Variants in MROH7 observed in about 807,000 individuals in gnomAD.
The protein encoded by MROH7 is maestro heat like repeat family member 7, also known as maestro heat-like repeat-containing protein family member 7.
MROH7 carries 113 observed loss-of-function variants against 129.2 expected under a neutral mutation model. The observed-to-expected ratio is 0.87, with a 90% confidence interval of 0.75 to 1.02. MROH7 has a LOEUF of 1.02. Among genes scored for constraint, MROH7 ranks in the 50% least tolerant of loss-of-function variants. MROH7 has a pLI of 0.00. For synonymous variants in MROH7, 655 were observed against 667.9 expected, an observed-to-expected ratio of 0.98 and a Z score of 0.30; for missense variants, 1,601 against 1,671.3, an observed-to-expected ratio of 0.96 and a Z score of 0.73.
In MROH7 at chr1:54,670,525, C is replaced by A; in HGVS notation, c.1418C>A (p.Ser473Tyr). Residue 473 changes from serine to tyrosine, a missense_variant, in exon 6 of 24, where the codon TCT (serine) becomes TAT (tyrosine). Coordinates refer to ENST00000421030, the MANE Select transcript of MROH7 (RefSeq NM_001039464.4). The stretch of plus-strand genomic sequence containing the variant: ...CAGATCCAGGAGGAGCCACTGGATT[C>A]TCTCTCAAGCTCCGTCCGCAAGCAG... ...MRQIQEEPLD[S>Y]LSSSVRKQAM... 1 of 1,613,874 alleles carries A rather than the reference C, an allele frequency of 6.2e-7. No individual in the cohort carries two copies.
rs577982847 is a variant in MROH7, at chr1:54,653,095, C to G, written c.169C>G (p.Leu57Val). 1 of 1,614,206 alleles carries G rather than the reference C, an allele frequency of 6.2e-7. No homozygotes were observed. The highest frequency in any genetic ancestry group is 1.7e-5 in the Admixed American group (1 of 60,022). Residue 57 changes from leucine to valine, a missense_variant, in exon 3 of 24, where the codon CTC becomes GTC. Leu to Val is a conservative substitution (Grantham distance 32). Coordinates refer to ENST00000421030, the MANE Select transcript of MROH7 (RefSeq NM_001039464.4). Reference sequence around the variant, plus strand: ...TCTGCTCCCAAGTCCTGGCTTGGCTCTCGTTCCAGATCTTAATGATTCTTT... The same window carrying G: ...TCTGCTCCCAAGTCCTGGCTTGGCTGTCGTTCCAGATCTTAATGATTCTTT... Reference protein sequence around the residue: ...LNLLPSPGLALVPDLNDSLSP... With the variant: ...LNLLPSPGLAVVPDLNDSLSP...
intron 15 of MROH7, among the ~76,000 whole-genome samples, chr1:54,688,453 T>C (rs908443046): frequency 9.9e-5 from 15 of 152,146 alleles, no homozygotes; most frequent in Non-Finnish European, 2.1e-4. Context: ...TGCCTAACAC[T>C]TTCTGTGTTA....
At chr1:54,674,257 A>G in intron 10 of MROH7, 106 bp downstream of exon 10, 2 of 1,337,812 alleles carry the variant, frequency 1.5e-6, no homozygotes, top group Non-Finnish European at 2.0e-6. Flanking sequence ...CTGGTGGGAG[A>G]TGGGGGAAAC....
chr1:54,692,861 A>T (rs10888863), intron 16 of MROH7, among the ~76,000 whole-genome samples: 28,269 of 152,140 alleles, frequency 0.19, 2,963 homozygotes, highest in South Asian at 0.29. Flanking sequence ...TGGTGGTATA[A>T]CCAAGTTGTT....
In MROH7 at chr1:54,682,696, C is replaced by A. The variant is rs779964575; in HGVS notation, c.2422C>A (p.Pro808Thr). The stretch of plus-strand genomic sequence containing the variant: ...GTGGAGGCAGCTGATACTGTGTAAG[C>A]CCAGCTGTGATGTCCGAGACCTCCT... Reference protein sequence around the residue: ...EMWRQLILCKPSCDVRDLLDL... With the variant: ...EMWRQLILCKTSCDVRDLLDL... The change falls in exon 14 of 24, where the codon CCC (proline) becomes ACC (threonine). Residue 808 changes from proline (P) to threonine (T), a missense_variant. Pro to Thr is a conservative substitution (Grantham distance 38). Transcript: ENST00000421030. 43 of 1,613,966 alleles carry A rather than the reference C, an allele frequency of 2.7e-5. No homozygotes were observed. Among genetic ancestry groups the A allele is most frequent in the Non-Finnish European group, 3.6e-5 (42 of 1,180,000 alleles).
At chr1:54,708,015 T>G (rs896946201) in intron 22 of MROH7, among the ~76,000 whole-genome samples, 3 of 152,034 alleles carry the variant, frequency 2.0e-5, no homozygotes, top group Middle Eastern at 3.2e-3. Flanking sequence ...TCGCAGATAC[T>G]CAAGAAACCA....
chr1:54,656,701 A>C (rs1316288861), intron 3 of MROH7, among the ~76,000 whole-genome samples: 3 of 151,874 alleles, frequency 2.0e-5, no homozygotes, highest in African/African-American at 7.3e-5. Context: ...CGGGGCCTGT[A>C]ATCCCAGCTA....
intron 1 of MROH7, among the ~76,000 whole-genome samples, chr1:54,647,877 C>T (rs12744419): frequency 0.037 from 5,219 of 139,586 alleles, 293 homozygotes; most frequent in African/African-American, 0.13. Context: ...TGCACTCTAG[C>T]CTGTGTGACA....
chr1:54,644,839 G>C (rs1171080953), intron 1 of MROH7, among the ~76,000 whole-genome samples: 1 of 141,322 alleles, frequency 7.1e-6, no homozygotes, highest in African/African-American at 2.7e-5. Context: ...GTCGCACTCT[G>C]TCATCCAGGC....
At chr1:54,707,772 A>C (rs548818870) in intron 22 of MROH7, among the ~76,000 whole-genome samples, 1 of 152,234 alleles carries the variant, frequency 6.6e-6, no homozygotes, top group East Asian at 1.9e-4. Flanking sequence ...ATGATTATTA[A>C]CCTTTTTTGG....
intron 3 of MROH7, among the ~76,000 whole-genome samples, chr1:54,659,749 G>A (rs1239294998): frequency 2.6e-5 from 4 of 152,108 alleles, no homozygotes; most frequent in African/African-American, 4.8e-5. Context: ...CACTGTGCCC[G>A]GCTGTACTTA....
chr1:54,695,320 A>T, intron 16 of MROH7, 56 bp from the exon 17 acceptor site: 2 of 933,334 alleles, frequency 2.1e-6, no homozygotes, highest in Non-Finnish European at 3.4e-6. Context: ...AATCCCCCCC[A>T]CAGGTCCCCC....
chr1:54,696,429 T>G (rs1168344239), intron 17 of MROH7, among the ~76,000 whole-genome samples: 1 of 152,148 alleles, frequency 6.6e-6, no homozygotes, highest in African/African-American at 2.4e-5. Context: ...CTCCAGAACT[T>G]TCGTATCTTT....
chr1:54,680,142 G>A (rs542177957), intron 13 of MROH7, 97 bp downstream of exon 13: 44 of 1,164,800 alleles, frequency 3.8e-5, no homozygotes, highest in African/African-American at 2.7e-4. Context: ...TAAGCCCCTC[G>A]CCCTCCCAGA....
intron 13 of MROH7, among the ~76,000 whole-genome samples, chr1:54,680,386 A>C (rs1645051015): frequency 6.6e-6 from 1 of 152,218 alleles, no homozygotes; most frequent in Admixed American, 6.5e-5. Flanking sequence ...GCTCTTTAAC[A>C]ATGCCATTGA....
intron 1 of MROH7, among the ~76,000 whole-genome samples, chr1:54,643,218 T>A (rs1195865906): frequency 6.6e-6 from 1 of 152,154 alleles, no homozygotes; most frequent in African/African-American, 2.4e-5. Flanking sequence ...GAAGACTTCC[T>A]GGGGGAAGGG....
intron 1 of MROH7, among the ~76,000 whole-genome samples, chr1:54,643,716 A>G (rs1644421146): frequency 6.6e-6 from 1 of 152,216 alleles, no homozygotes; most frequent in Non-Finnish European, 1.5e-5. Context: ...TTGAACACCT[A>G]CAAGAAGTCA....
chr1:54,702,644 C>G lies in MROH7; in HGVS notation c.3463C>G (p.Arg1155Gly), dbSNP rs181035157. 1 of 1,613,328 alleles carries G rather than the reference C, an allele frequency of 6.2e-7. No homozygotes were observed. The highest frequency in any genetic ancestry group is 1.3e-5 in the African/African-American group (1 of 74,866). The change falls in exon 21 of 24, where the codon CGC becomes GGC. Residue 1155 changes from arginine (R) to glycine (G), a missense_variant. By Grantham distance (125) the Arg-to-Gly change is moderately radical (BLOSUM62 -2). Transcript: ENST00000421030. Reference protein sequence around the residue: ...VSQKCVKTLLRCSYFMAWELP... With the variant: ...VSQKCVKTLLGCSYFMAWELP... ...CCAGAAGTGTGTGAAGACCCTGTTA[C>G]GCTGTTCTTACTTCATGGCTTGGGA... is the stretch of plus-strand genomic sequence containing the variant.
At chr1:54,704,539 A>G (rs1381189090) in intron 21 of MROH7, among the ~76,000 whole-genome samples, 2 of 150,568 alleles carry the variant, frequency 1.3e-5, no homozygotes, top group African/African-American at 4.9e-5. Context: ...AGGGGGTTCA[A>G]GAGATTCTCC....
Sources: allele counts gnomAD v4.1 joint callset (sites outside exome capture counted in the v4.1 genomes callset), GRCh38; gene constraint gnomAD v4.1.1; transcripts MANE v1.5; gene names NCBI Gene and HGNC (gene_info 2026-07-23, HGNC 2026-07-21).